Variants in KLHL30 observed in about 807,000 individuals in gnomAD.
KLHL30 encodes kelch like family member 30.
Under a neutral mutation model 55.0 loss-of-function variants are expected in KLHL30, and 55 were observed. The ratio of observed to expected loss-of-function variants is 1.00; its 90% CI spans 0.80 to 1.25. KLHL30 has a LOEUF of 1.25. Ranked by LOEUF, KLHL30 falls within the 50% of genes most tolerant of loss-of-function variation. The pLI is 0.00. For synonymous variants in KLHL30, 356 were observed against 372.6 expected (o/e 0.96, Z 0.51); for missense variants, 786 against 811.6 (o/e 0.97, Z 0.38).
chr2:238,151,009 G>T lies in KLHL30; in HGVS notation c.1681G>T (p.Val561Phe). The change falls in exon 8 of 8, where the codon GTC (valine) becomes TTC (phenylalanine). Residue 561 changes from valine to phenylalanine, a missense_variant. Physicochemically the swap from Val to Phe is conservative, Grantham distance 50 (BLOSUM62 -1). Coordinates refer to ENST00000409223, the MANE Select transcript of KLHL30 (RefSeq NM_198582.4). ...RLWLYHGAST[V>F]FLDVSKWTQP... ...CTGGCTCTACCACGGGGCCTCCACC[G>T]TCTTCCTGGATGTCTCCAAGTGGAC... 1 of 1,591,580 alleles carries T rather than the reference G, an allele frequency of 6.3e-7. No individual in the cohort carries two copies.
chr2:238,147,847 C>A lies in KLHL30; in HGVS notation c.1164C>A (p.Asp388Glu). The A allele has an allele frequency of 6.6e-7, 1 of 1,518,434 alleles. No homozygotes were observed. The highest frequency in any genetic ancestry group is 8.9e-7 in the Non-Finnish European group (1 of 1,127,000). 94.1% of individuals were successfully genotyped at this position (1,518,434 alleles called of 1,614,324 possible). A position where few individuals can be genotyped will look rare whatever the true frequency, so the allele number is the denominator to read the frequency against. The change falls in exon 6 of 8, where the codon GAC (aspartate) becomes GAA (glutamate). Residue 388 changes from aspartate (D) to glutamate (E), a missense_variant. Coordinates refer to ENST00000409223, the MANE Select transcript of KLHL30 (RefSeq NM_198582.4). The surrounding 1 kb of genome is among the most constrained non-coding windows in gnomAD (Gnocchi z 5.8). ...CTCACCCCACAGGCACCACCCTGGA[C>A]GTGGTGGAGGTGGAGAGCTATGACC... is the stretch of plus-strand genomic sequence containing the variant. ...EIYVIGGTTLDVVEVESYDPY... is the reference protein window; with the variant it reads ...EIYVIGGTTLEVVEVESYDPY...
chr2:238,144,759 G>T, intron 3 of KLHL30, 143 bp from the exon 4 acceptor site: 1 of 683,454 alleles, frequency 1.5e-6, no homozygotes, highest in Non-Finnish European at 2.6e-6. Flanking sequence ...CCGTACCAGT[G>T]TCACCCTGCC....
At chr2:238,143,325 G>T (rs544886410) in intron 3 of KLHL30, among the ~76,000 whole-genome samples, 2 of 151,854 alleles carry the variant, frequency 1.3e-5, no homozygotes, top group East Asian at 1.9e-4. Flanking sequence ...AGAGTGGGGT[G>T]GGGGGTGAAG....
chr2:238,141,315 G>A lies in KLHL30; in HGVS notation c.561G>A (p.Leu187=). ...ERLVTCLAGD[L]LQVQPEQSRL... ...TGGTCACTTGTCTGGCCGGCGACCT[G>A]CTGCAGGTACAGCCGGAGCAAAGCC... Residue 187 remains leucine (L), a synonymous_variant, in exon 2 of 8, where the codon CTG becomes CTA. Coordinates refer to ENST00000409223, the MANE Select transcript of KLHL30 (RefSeq NM_198582.4). The A allele has an allele frequency of 6.3e-7, 1 of 1,596,752 alleles. No homozygotes were observed. The highest frequency in any genetic ancestry group is 8.5e-7 in the Non-Finnish European group (1 of 1,174,472).
intron 1 of KLHL30, among the ~76,000 whole-genome samples, chr2:238,139,466 G>A (rs7355613): frequency 0.22 from 32,728 of 152,156 alleles, 3,903 homozygotes; most frequent in East Asian, 0.37. Context: ...GTGGGGCCCC[G>A]GCCACGTGAG....
intron 7 of KLHL30, among the ~76,000 whole-genome samples, chr2:238,150,395 C>T (rs1284332625): frequency 6.6e-6 from 1 of 152,204 alleles, no homozygotes; most frequent in Non-Finnish European, 1.5e-5. Context: ...ATAGACTGAG[C>T]AGGGGGTGCA....
Position 238,142,946 on chromosome 2 carries a change from C to T in KLHL30, c.907+15C>T, listed in dbSNP as rs770354142. On this transcript the variant is annotated intron_variant, in intron 3 of 7. Coordinates refer to ENST00000409223, the MANE Select transcript of KLHL30 (RefSeq NM_198582.4). ...CAGCAAGGCCAGTGAGTACCCCTCC[C>T]GCGTCCAGACCCACCTGCTGTCTCT... The T allele has an allele frequency of 1.5e-5, 23 of 1,504,278 alleles. No homozygotes were observed. Among genetic ancestry groups the T allele is most frequent in the Admixed American group, 2.8e-5 (1 of 35,712 alleles). 93.2% of individuals were successfully genotyped at this position (1,504,278 alleles called of 1,614,324 possible). A position where few individuals can be genotyped will look rare whatever the true frequency, so the allele number is the denominator to read the frequency against.
In KLHL30 at chr2:238,140,761, C is replaced by T. The variant is rs553405895; in HGVS notation, c.7C>T (p.Arg3Trp). Residue 3 changes from arginine to tryptophan, a missense_variant, in exon 2 of 8, where the codon CGG (arginine) becomes TGG (tryptophan). Coordinates refer to ENST00000409223, the MANE Select transcript of KLHL30 (RefSeq NM_198582.4). Reference protein sequence around the residue: MVRNVDDLDFHLP... With the variant: MVWNVDDLDFHLP... ...GTCCCCTGGGCACGGCGTCATGGTG[C>T]GGAACGTGGATGACCTGGATTTCCA... is the stretch of plus-strand genomic sequence containing the variant. The T allele has an allele frequency of 3.5e-5, 54 of 1,521,842 alleles. No homozygotes were observed. The highest frequency in any genetic ancestry group is 4.6e-5 in the Non-Finnish European group (52 of 1,128,548). The allele number at this position is 1,521,842 out of a possible 1,614,324, so 94.3% of individuals were successfully genotyped here. A position where few individuals can be genotyped will look rare whatever the true frequency, so the allele number is the denominator to read the frequency against.
chr2:238,150,347 C>G (rs1250814779), intron 7 of KLHL30, among the ~76,000 whole-genome samples: 3 of 152,226 alleles, frequency 2.0e-5, no homozygotes, highest in East Asian at 3.9e-4. Context: ...GCCACCCGCC[C>G]TCACCCCACA....
At chr2:238,144,056 A>G (rs1692587644) in intron 3 of KLHL30, among the ~76,000 whole-genome samples, 1 of 152,246 alleles carries the variant, frequency 6.6e-6, no homozygotes, top group Non-Finnish European at 1.5e-5. Context: ...GATTTTCCAA[A>G]GCATTTTCTC....
intron 4 of KLHL30, 28 bp from the exon 5 acceptor site, chr2:238,145,649 C>T: frequency 6.4e-7 from 1 of 1,561,866 alleles, no homozygotes; most frequent in Non-Finnish European, 8.7e-7. Context: ...GCTGGTGGCA[C>T]CCATGTAGAC....
At position 238,152,134 on chromosome 2, in the gene KLHL30, C is replaced by A. The variant is rs1692767426; in HGVS notation, c.*1069C>A. ...CTAGAAGTCAGGAGTCGGGCCCGGCCAGGCACAGGCCCTGGTGTTGCCCCA... is the reference window on the plus strand; with the variant it reads ...CTAGAAGTCAGGAGTCGGGCCCGGCAAGGCACAGGCCCTGGTGTTGCCCCA... On this transcript the variant is annotated 3_prime_UTR_variant, in exon 8 of 8. Transcript: ENST00000409223. The A allele has an allele frequency of 5.1e-6, 5 of 985,446 alleles. No individual in the cohort carries two copies. The highest frequency in any genetic ancestry group is 6.0e-6 in the Non-Finnish European group (5 of 829,974). 61.0% of individuals were successfully genotyped at this position (985,446 alleles called of 1,614,324 possible). A position where few individuals can be genotyped will look rare whatever the true frequency, so the allele number is the denominator to read the frequency against.
rs753448192 is a variant in KLHL30, at chr2:238,142,888, C to A, written c.864C>A (p.Pro288=). 2 of 1,488,870 alleles carry A rather than the reference C, an allele frequency of 1.3e-6. No individual in the cohort carries two copies. The highest frequency in any genetic ancestry group is 2.8e-5 in the South Asian group (2 of 70,940). The allele number at this position is 1,488,870 out of a possible 1,614,324, so 92.2% of individuals were successfully genotyped here. The change falls in exon 3 of 8, where the codon CCC becomes CCA. Residue 288 remains proline, a synonymous_variant. Coordinates refer to ENST00000409223, the MANE Select transcript of KLHL30 (RefSeq NM_198582.4). ...AGGAGGAGGAGGCAGGTGAGGAGCC[C>A]ACCCCCGGCCTTGGGAACTTTGCCT... ...ALEEEEAGEE[P]TPGLGNFAFY... is the part of the protein sequence containing the mutation.
At position 238,145,756 on chromosome 2, in the gene KLHL30, GC is replaced by G; in HGVS notation, c.1077del (p.Val360TrpfsTer5). On this transcript the variant is annotated frameshift_variant, in exon 5 of 8. Coordinates refer to ENST00000409223, the MANE Select transcript of KLHL30 (RefSeq NM_198582.4). LOFTEE classifies it high-confidence loss of function. ...CFPLKEASWKPVAPMLKPRTN... is the reference protein window; with the variant it reads ...CFPLKEASWKXVAPMLKPRTN... The stretch of plus-strand genomic sequence containing the variant: ...TCCCCCTGAAGGAGGCCTCCTGGAA[GC>G]CCGTGGCGCCCATGCTGAAGCCCCG... The G allele has an allele frequency of 1.9e-6, 3 of 1,603,922 alleles. No homozygotes were observed. Among genetic ancestry groups the G allele is most frequent in the Non-Finnish European group, 2.6e-6 (3 of 1,176,364 alleles).
chr2:238,149,776 C>T (rs1692718486), intron 7 of KLHL30, among the ~76,000 whole-genome samples: 1 of 152,130 alleles, frequency 6.6e-6, no homozygotes, highest in Non-Finnish European at 1.5e-5. Context: ...TGCCATCCCA[C>T]CATGGCCCAC....
rs1349654083 is a variant in KLHL30 at position 238,141,518 on chromosome 2, G to C, written c.764G>C (p.Gly255Ala). The change falls in exon 2 of 8, where the codon GGC becomes GCC. Residue 255 changes from glycine (G) to alanine (A), a missense_variant. Gly to Ala is a moderately conservative substitution (Grantham distance 60). Transcript: ENST00000409223. ...SEACRAALSQ[G>A]HDGAPLALQQ... ...GCATGCCGGGCAGCCCTGTCCCAGG[G>C]CCATGATGGGGTGAGTGAGCGGCTG... The C allele has an allele frequency of 1.4e-6, 2 of 1,447,150 alleles. No individual in the cohort carries two copies. Among genetic ancestry groups the C allele is most frequent in the East Asian group, 2.5e-5 (1 of 39,858 alleles). The allele number at this position is 1,447,150 out of a possible 1,614,324, so 89.6% of individuals were successfully genotyped here. A position where few individuals can be genotyped will look rare whatever the true frequency, so the allele number is the denominator to read the frequency against.
At chr2:238,140,631 C>A in intron 1 of KLHL30, 54 bp from the exon 2 acceptor site, 1 of 1,027,954 alleles carries the variant, frequency 9.7e-7, no homozygotes, top group Non-Finnish European at 1.4e-6. Context: ...GGGTGGGTTG[C>A]TCAGGAGGAT....
intron 5 of KLHL30, among the ~76,000 whole-genome samples, chr2:238,146,441 C>T (rs935932610): frequency 4.0e-5 from 6 of 151,122 alleles, no homozygotes; most frequent in African/African-American, 1.2e-4. Context: ...CGGTCTTTCT[C>T]TGTCACCCAG....
Position 238,144,420 on chromosome 2 carries a change from AAGGAAGGAAGGAAGGCAGGCAGGCAGGC to A in KLHL30, c.908-478_908-451del, listed in dbSNP as rs1247368762. ...GAAGGAAGGAAGGAAGGAAGGAAGG[AAGGAAGGAAGGAAGGCAGGCAGGCAGGC>A]AGGCAGGCAGGCAGGCAGGCAGGCA... On this transcript the variant is annotated intron_variant, in intron 3 of 7. Coordinates refer to ENST00000409223, the MANE Select transcript of KLHL30 (RefSeq NM_198582.4). Among the ~76,000 whole-genome samples, 202 of 98,824 alleles carry A rather than the reference AAGGAAGGAAGGAAGGCAGGCAGGCAGGC, an allele frequency of 2.0e-3. 1 individual carries two copies. The highest frequency in any genetic ancestry group is 4.7e-3 in the Middle Eastern group (1 of 214). The allele number at this position is 98,824 out of a possible 152,430, so 64.8% of individuals were successfully genotyped here.
Sources: gnomAD v4.1 joint callset for allele counts (sites outside exome capture counted in the v4.1 genomes callset) on GRCh38, gnomAD v4.1.1 for gene constraint, Gnocchi (gnomAD v3.1) non-coding constraint, MANE v1.5 for transcripts, NCBI Gene and HGNC (gene_info 2026-07-23, HGNC 2026-07-21) for gene names.